The following LRP1B variants were observed in gnomAD, a reference collection of about 807,000 sequenced individuals.
LRP1B encodes low-density lipoprotein receptor-related protein 1B.
LRP1B carries 217 observed loss-of-function variants against 556.6 expected under a neutral mutation model. The ratio of observed to expected loss-of-function variants is 0.39; its 90% CI spans 0.35 to 0.44. The LOEUF (loss-of-function observed/expected upper bound fraction) is 0.44. LRP1B is among the 20% of genes least tolerant of loss of function. The pLI is 1.00. For missense variants in LRP1B, 5,053 were observed against 5,620.8 expected, an observed-to-expected ratio of 0.90 and a Z score of 3.23; for synonymous variants, 2,047 against 1,865.8, an observed-to-expected ratio of 1.10 and a Z score of -2.50.
intron 72 of LRP1B, among the ~76,000 whole-genome samples, chr2:140,363,751 C>T (rs6745901): frequency 0.98 from 148,682 of 151,610 alleles, 72,957 homozygotes; most frequent in Middle Eastern, 1. Context: ...TTTCCCTGCA[C>T]TTTTGTATTT....
chr2:141,087,200 G>A (rs1314965062), intron 7 of LRP1B, among the ~76,000 whole-genome samples: 1 of 152,164 alleles, frequency 6.6e-6, no homozygotes, highest in Non-Finnish European at 1.5e-5. Flanking sequence ...GTATTATGCT[G>A]GTACCCAGGA....
intron 3 of LRP1B, among the ~76,000 whole-genome samples, chr2:141,328,785 G>A (rs1687525280): frequency 6.6e-6 from 1 of 152,152 alleles, no homozygotes; most frequent in Non-Finnish European, 1.5e-5. Flanking sequence ...CTGGGCTCAG[G>A]CAAATCTGTC....
At chr2:140,415,245 C>T (rs897054950) in intron 66 of LRP1B, among the ~76,000 whole-genome samples, 1 of 149,900 alleles carries the variant, frequency 6.7e-6, no homozygotes, top group Non-Finnish European at 1.5e-5. Context: ...TCTGCTTTTG[C>T]CCTCTGCCTT....
At chr2:140,852,937 T>C (rs1360146966) in intron 27 of LRP1B, among the ~76,000 whole-genome samples, 1 of 151,968 alleles carries the variant, frequency 6.6e-6, no homozygotes, top group South Asian at 2.1e-4. Context: ...GGCTACGAAA[T>C]TGAAGGCAAA....
At chr2:140,743,104 T>G (rs1018544895) in intron 35 of LRP1B, among the ~76,000 whole-genome samples, 1 of 152,228 alleles carries the variant, frequency 6.6e-6, no homozygotes, top group Non-Finnish European at 1.5e-5. Context: ...AATAACCTTG[T>G]ATTTCCATAT....
intron 1 of LRP1B, among the ~76,000 whole-genome samples, chr2:141,901,746 G>A (rs554333011): frequency 6.6e-6 from 1 of 151,850 alleles, no homozygotes; most frequent in African/African-American, 2.4e-5. Context: ...TATTCATTAT[G>A]TTTATAATGC....
At chr2:141,543,137 C>T (rs1399266169) in intron 2 of LRP1B, among the ~76,000 whole-genome samples, 1 of 152,086 alleles carries the variant, frequency 6.6e-6, no homozygotes, top group Non-Finnish European at 1.5e-5. Context: ...AATTGGTTGT[C>T]TCTTGGAGAG....
intron 20 of LRP1B, among the ~76,000 whole-genome samples, chr2:140,940,314 G>T (rs1195525508): frequency 6.6e-6 from 1 of 152,042 alleles, no homozygotes; most frequent in African/African-American, 2.4e-5. Context: ...AAATATAGTT[G>T]AGATTTCCCT....
At chr2:141,983,168 T>G (rs774319011) in intron 1 of LRP1B, among the ~76,000 whole-genome samples, 50 of 74,892 alleles carry the variant, frequency 6.7e-4, no homozygotes, top group Non-Finnish European at 1.2e-3. Context: ...GTAAAAATAA[T>G]GGACAGAAGT....
At chr2:141,824,650 G>A (rs1488858091) in intron 1 of LRP1B, among the ~76,000 whole-genome samples, 1 of 152,206 alleles carries the variant, frequency 6.6e-6, no homozygotes. Flanking sequence ...ACCGCGTCCG[G>A]CATAAACATT....
chr2:141,981,998 C>T (rs1702055945), intron 1 of LRP1B, among the ~76,000 whole-genome samples: 1 of 152,138 alleles, frequency 6.6e-6, no homozygotes, highest in African/African-American at 2.4e-5. Flanking sequence ...GAGCCCTTCA[C>T]CTTTCCAATC....
chr2:140,587,732 A>G (rs1260678430), intron 43 of LRP1B, among the ~76,000 whole-genome samples: 1 of 152,212 alleles, frequency 6.6e-6, no homozygotes, highest in Admixed American at 6.5e-5. Context: ...ATACATACAT[A>G]TATCAAAACA....
intron 7 of LRP1B, among the ~76,000 whole-genome samples, chr2:141,078,588 G>C (rs1004540202): frequency 6.7e-6 from 1 of 149,110 alleles, no homozygotes; most frequent in African/African-American, 2.5e-5. Context: ...TGAGGTATGT[G>C]TAAGTGCAAC....
At chr2:141,012,101 A>C (rs1187569033) in intron 14 of LRP1B, among the ~76,000 whole-genome samples, 1 of 151,986 alleles carries the variant, frequency 6.6e-6, no homozygotes, top group Non-Finnish European at 1.5e-5. Flanking sequence ...GATGAGTCCA[A>C]AGTTTTAAAA....
intron 7 of LRP1B, among the ~76,000 whole-genome samples, chr2:141,150,098 A>G (rs559130772): frequency 6.6e-6 from 1 of 152,174 alleles, no homozygotes; most frequent in Non-Finnish European, 1.5e-5. Context: ...GAAGTGGGCC[A>G]TGTCACCCAG....
chr2:141,627,330 T>G (rs1196085442), intron 2 of LRP1B, among the ~76,000 whole-genome samples: 1 of 152,188 alleles, frequency 6.6e-6, no homozygotes, highest in Non-Finnish European at 1.5e-5. Context: ...GGATTTTAGG[T>G]AGTGAAGCTA....
At chr2:140,980,242 T>C (rs1391077509) in intron 18 of LRP1B, among the ~76,000 whole-genome samples, 2 of 152,188 alleles carry the variant, frequency 1.3e-5, no homozygotes, top group Non-Finnish European at 2.9e-5. Context: ...CTGTATTTAA[T>C]GTTATTAGAT....
chr2:140,854,580 G>C (rs947398367), intron 27 of LRP1B, among the ~76,000 whole-genome samples: 7 of 152,016 alleles, frequency 4.6e-5, no homozygotes, highest in Non-Finnish European at 1.0e-4. Context: ...TAAAAATACT[G>C]TTCATAATAC....
intron 43 of LRP1B, among the ~76,000 whole-genome samples, chr2:140,589,974 A>G (rs1039197173): frequency 1.3e-5 from 2 of 152,136 alleles, no homozygotes; most frequent in Non-Finnish European, 2.9e-5. Flanking sequence ...ATTGTACTAT[A>G]CTTTTCCAAG....
Sources: gnomAD v4.1 joint callset for allele counts (sites outside exome capture counted in the v4.1 genomes callset) on GRCh38, gnomAD v4.1.1 for gene constraint, MANE v1.5 for transcripts, NCBI Gene and HGNC (gene_info 2026-07-23, HGNC 2026-07-21) for gene names.